The following PCP4 variants were observed in gnomAD, a reference collection of about 807,000 sequenced individuals.
PCP4 encodes the protein calmodulin regulator protein PCP4.
Under a neutral mutation model 10.0 loss-of-function variants are expected in PCP4, and 8 were observed. That is an observed-to-expected ratio of 0.80 (90% confidence interval 0.47 to 1.45). The LOEUF (loss-of-function observed/expected upper bound fraction) is 1.45, where lower values mean the gene tolerates loss of function less well. Ranked by LOEUF, PCP4 falls within the 40% of genes most tolerant of loss-of-function variation. PCP4 has a pLI of 0.00. For missense variants in PCP4, 54 were observed against 74.4 expected, an observed-to-expected ratio of 0.73 and a Z score of 1.01; for synonymous variants, 21 against 23.0, an observed-to-expected ratio of 0.91 and a Z score of 0.24.
At chr21:39,900,071 G>T (rs1256454560) in intron 2 of PCP4, among the ~76,000 whole-genome samples, 1 of 152,128 alleles carries the variant, frequency 6.6e-6, no homozygotes, top group African/African-American at 2.4e-5. Context: ...TTTCACTCTT[G>T]TTGCCCAGGC....
intron 2 of PCP4, among the ~76,000 whole-genome samples, chr21:39,908,706 G>C (rs538250448): frequency 6.6e-6 from 1 of 152,198 alleles, no homozygotes; most frequent in East Asian, 1.9e-4. Context: ...GAGTGCCCGC[G>C]GCTCCAGGTG....
At chr21:39,911,881 TA>T (rs1371928722) in intron 2 of PCP4, among the ~76,000 whole-genome samples, 2 of 152,218 alleles carry the variant, frequency 1.3e-5, no homozygotes, top group Non-Finnish European at 2.9e-5. Flanking sequence ...TATTCATTCT[TA>T]TTCTATTCAC....
chr21:39,873,635 A>G (rs1232254686), intron 1 of PCP4, among the ~76,000 whole-genome samples: 3 of 152,170 alleles, frequency 2.0e-5, no homozygotes, highest in Non-Finnish European at 4.4e-5. Context: ...TCTTCTTCCC[A>G]TTTTTCAAAT....
At chr21:39,915,606 G>C (rs758460993) in intron 2 of PCP4, among the ~76,000 whole-genome samples, 1 of 152,166 alleles carries the variant, frequency 6.6e-6, no homozygotes, top group Non-Finnish European at 1.5e-5. Context: ...ATCTGTCACT[G>C]TTTGGCAATA....
At chr21:39,874,849 A>T (rs34361952) in intron 1 of PCP4, among the ~76,000 whole-genome samples, 4 of 151,978 alleles carry the variant, frequency 2.6e-5, no homozygotes, top group African/African-American at 9.7e-5. Context: ...CGAATCCTAC[A>T]CATGCTATGC....
intron 1 of PCP4, among the ~76,000 whole-genome samples, chr21:39,874,123 CAAGGAAG>C (rs1423665748): frequency 3.3e-5 from 5 of 152,130 alleles, no homozygotes; most frequent in Non-Finnish European, 7.4e-5. Flanking sequence ...CATTTAAGGG[CAAGGAAG>C]CAAAAGCTGT....
intron 2 of PCP4, among the ~76,000 whole-genome samples, chr21:39,905,605 A>G (rs1321484488): frequency 6.6e-6 from 1 of 152,174 alleles, no homozygotes; most frequent in Non-Finnish European, 1.5e-5. Context: ...AGTGAGCATT[A>G]TAATAACTTC....
At chr21:39,912,126 TA>T (rs767827689) in intron 2 of PCP4, among the ~76,000 whole-genome samples, 26 of 152,318 alleles carry the variant, frequency 1.7e-4, no homozygotes, top group Non-Finnish European at 2.6e-4. Context: ...ACATTCTATC[TA>T]AATTTGTTTC....
rs115587476 is a variant in PCP4 at position 39,920,580 on chromosome 21, C to T, written c.62-8404C>T. Among the ~76,000 whole-genome samples the T allele has an allele frequency of 9.4e-3, 1,432 of 152,208 alleles. 36 individuals are homozygous for T. Among genetic ancestry groups the T allele is most frequent in the African/African-American group, 0.033 (1,357 of 41,502 alleles). ...GATGACGTGAGCAATGACCTTTCAT[C>T]GCCATCAACTGGGAAACAAACAGAT... On this transcript the variant is annotated intron_variant, in intron 2 of 2. Coordinates refer to ENST00000328619, the MANE Select transcript of PCP4 (RefSeq NM_006198.3).
At chr21:39,888,812 G>C (rs910639586) in intron 1 of PCP4, among the ~76,000 whole-genome samples, 1 of 152,230 alleles carries the variant, frequency 6.6e-6, no homozygotes, top group Non-Finnish European at 1.5e-5. Context: ...CAGTCCAGGA[G>C]TTGGTCCCCT....
chr21:39,867,845 C>T (rs909651531), intron 1 of PCP4, among the ~76,000 whole-genome samples: 3 of 152,110 alleles, frequency 2.0e-5, no homozygotes, highest in Non-Finnish European at 4.4e-5. Context: ...GCATGATTCC[C>T]GCGGTGATAC....
intron 1 of PCP4, among the ~76,000 whole-genome samples, chr21:39,872,524 G>A (rs572672066): frequency 6.6e-6 from 1 of 152,176 alleles, no homozygotes; most frequent in African/African-American, 2.4e-5. Context: ...AGAATTTTAG[G>A]GGATGCATGC....
At chr21:39,882,462 G>A (rs1376793190) in intron 1 of PCP4, among the ~76,000 whole-genome samples, 1 of 152,130 alleles carries the variant, frequency 6.6e-6, no homozygotes, top group African/African-American at 2.4e-5. Flanking sequence ...GGGGAGGACT[G>A]GGGGAATGGA....
At chr21:39,870,894 C>A (rs547135274) in intron 1 of PCP4, among the ~76,000 whole-genome samples, 21 of 152,332 alleles carry the variant, frequency 1.4e-4, no homozygotes, top group African/African-American at 4.8e-4. Context: ...AGTACAAGGG[C>A]TGTGGCTCTT....
chr21:39,922,720 T>C (rs1040833662), intron 2 of PCP4, among the ~76,000 whole-genome samples: 2 of 152,168 alleles, frequency 1.3e-5, no homozygotes, highest in Non-Finnish European at 2.9e-5. Flanking sequence ...CACTGTTTGT[T>C]GAGAAAGGGC....
chr21:39,903,885 A>AC (rs2087494156), intron 2 of PCP4, among the ~76,000 whole-genome samples: 4 of 105,012 alleles, frequency 3.8e-5, no homozygotes, highest in African/African-American at 7.5e-5. Context: ...ACAAAAAAAA[A>AC]AAAAAAAAAA....
At chr21:39,918,179 A>G (rs77337094) in intron 2 of PCP4, among the ~76,000 whole-genome samples, 3,416 of 152,320 alleles carry the variant, frequency 0.022, 114 homozygotes, top group African/African-American at 0.077. Flanking sequence ...TTTCAACAGA[A>G]AAATTAGTAT....
chr21:39,896,283 T>C lies in PCP4; in HGVS notation c.10-2193T>C, dbSNP rs373227284. On this transcript the variant is annotated intron_variant, in intron 1 of 2. Coordinates refer to ENST00000328619, the MANE Select transcript of PCP4 (RefSeq NM_006198.3). ...TTATTCTACTCTAAAACACTGTTCT[T>C]TTATTCCGTGAAATTTTCTTTTATT... 2.7e-4 allele frequency among the ~76,000 whole-genome samples: 41 copies of C among 152,322 alleles called. No individual in the cohort carries two copies. In the East Asian group the frequency reaches 7.7e-3, roughly 29 times the overall value.
intron 1 of PCP4, among the ~76,000 whole-genome samples, chr21:39,884,764 C>T (rs1307360672): frequency 1.3e-5 from 2 of 151,792 alleles, no homozygotes; most frequent in Non-Finnish European, 2.9e-5. Context: ...TGCCACTGCA[C>T]TCCAGGCTGG....
Sources: gnomAD v4.1 joint callset for allele counts (sites outside exome capture counted in the v4.1 genomes callset) on GRCh38, gnomAD v4.1.1 for gene constraint, MANE v1.5 for transcripts, NCBI Gene and HGNC (gene_info 2026-07-23, HGNC 2026-07-21) for gene names.